Variants in BMP6 observed in about 807,000 individuals in gnomAD.
BMP6 encodes the protein bone morphogenetic protein 6.
BMP6 carries 17 observed loss-of-function variants against 54.1 expected under a neutral mutation model. The observed-to-expected ratio is 0.31, with a 90% CI of 0.22 to 0.47. The LOEUF (loss-of-function observed/expected upper bound fraction) is 0.47. Ranked by LOEUF, BMP6 falls within the 20% of genes least tolerant of loss-of-function variation. BMP6 has a pLI of 1.00. For synonymous variants in BMP6, 328 were observed against 291.2 expected, an observed-to-expected ratio of 1.13 and a Z score of -1.28; for missense variants, 720 against 690.4, an observed-to-expected ratio of 1.04 and a Z score of -0.48.
At chr6:7,804,395 C>T (rs983478167) in intron 1 of BMP6, among the ~76,000 whole-genome samples, 1 of 151,786 alleles carries the variant, frequency 6.6e-6, no homozygotes, top group Non-Finnish European at 1.5e-5. Context: ...TTCTTTCTTT[C>T]TTTCCTTTGC....
intron 5 of BMP6, among the ~76,000 whole-genome samples, chr6:7,879,782 AAG>A (rs1759682175): frequency 6.6e-6 from 1 of 152,180 alleles, no homozygotes; most frequent in Non-Finnish European, 1.5e-5. Context: ...GGGCCTCTGC[AAG>A]GAGCGAGGGT....
chr6:7,814,365 T>G (rs1758491260), intron 1 of BMP6, among the ~76,000 whole-genome samples: 1 of 152,202 alleles, frequency 6.6e-6, no homozygotes, highest in Non-Finnish European at 1.5e-5. Flanking sequence ...TTTTAGAAAT[T>G]TGCTTAAAAC....
intron 1 of BMP6, among the ~76,000 whole-genome samples, chr6:7,779,660 T>C (rs1486657963): frequency 1.3e-5 from 2 of 152,110 alleles, no homozygotes; most frequent in Non-Finnish European, 2.9e-5. Context: ...TTATTAAGAA[T>C]GATAATAAAA....
intron 2 of BMP6, among the ~76,000 whole-genome samples, chr6:7,847,232 G>A (rs1288690775): frequency 6.6e-6 from 1 of 152,194 alleles, no homozygotes; most frequent in African/African-American, 2.4e-5. Context: ...TTGCCTTCTA[G>A]GATGGGAGCA....
chr6:7,798,413 G>A (rs1367909876), intron 1 of BMP6, among the ~76,000 whole-genome samples: 1 of 152,214 alleles, frequency 6.6e-6, no homozygotes, highest in African/African-American at 2.4e-5. Context: ...TCGCAGTCAT[G>A]CAGCCCCTTA....
chr6:7,749,695 C>T (rs1313885615), intron 1 of BMP6, among the ~76,000 whole-genome samples: 2 of 152,214 alleles, frequency 1.3e-5, no homozygotes, highest in Non-Finnish European at 1.5e-5. Flanking sequence ...GTGTCAGGCA[C>T]AGCCCTGAGT....
At chr6:7,739,277 T>G (rs1762007190) in intron 1 of BMP6, among the ~76,000 whole-genome samples, 1 of 152,204 alleles carries the variant, frequency 6.6e-6, no homozygotes, top group Non-Finnish European at 1.5e-5. Flanking sequence ...GTTTTAAATT[T>G]GGGCAATTTG....
chr6:7,794,361 T>C (rs1445786001), intron 1 of BMP6, among the ~76,000 whole-genome samples: 3 of 152,144 alleles, frequency 2.0e-5, no homozygotes, highest in Non-Finnish European at 4.4e-5. Flanking sequence ...ATGTACACTT[T>C]GGGAGAGGCC....
intron 1 of BMP6, among the ~76,000 whole-genome samples, chr6:7,757,583 C>T (rs766828835): frequency 1.1e-4 from 17 of 152,246 alleles, no homozygotes; most frequent in East Asian, 3.9e-4. Context: ...CTGGGAAGGA[C>T]GTGAATTTTG....
chr6:7,733,136 C>T (rs1267366459), intron 1 of BMP6, among the ~76,000 whole-genome samples: 1 of 152,094 alleles, frequency 6.6e-6, no homozygotes, highest in East Asian at 1.9e-4. Context: ...AAACTCCTGA[C>T]ATCAAGTGAT....
At chr6:7,765,239 T>C (rs550105254) in intron 1 of BMP6, among the ~76,000 whole-genome samples, 3 of 152,162 alleles carry the variant, frequency 2.0e-5, no homozygotes, top group African/African-American at 7.2e-5. Flanking sequence ...GGATTGTGGA[T>C]TTATTCCCCC....
intron 1 of BMP6, among the ~76,000 whole-genome samples, chr6:7,833,980 C>T (rs867050516): frequency 6.6e-6 from 1 of 152,116 alleles, no homozygotes; most frequent in Admixed American, 6.5e-5. Context: ...TTTCAGGACT[C>T]CCCTGTGGGA....
chr6:7,742,929 T>G (rs988365200), intron 1 of BMP6, among the ~76,000 whole-genome samples: 13 of 152,292 alleles, frequency 8.5e-5, no homozygotes, highest in Middle Eastern at 3.4e-3. Context: ...CTTATCCCAC[T>G]TAAATTTTGC....
chr6:7,762,558 AT>A (rs1757629105), intron 1 of BMP6, among the ~76,000 whole-genome samples: 1 of 152,232 alleles, frequency 6.6e-6, no homozygotes, highest in African/African-American at 2.4e-5. Flanking sequence ...ATATATACAT[AT>A]GTCCTAAGTG....
chr6:7,813,667 A>C (rs1187176375), intron 1 of BMP6, among the ~76,000 whole-genome samples: 2 of 66,092 alleles, frequency 3.0e-5, no homozygotes, highest in African/African-American at 5.1e-5. Context: ...AAAAAAAAAA[A>C]AACCCACCAA....
chr6:7,782,110 G>A (rs1757957803), intron 1 of BMP6, among the ~76,000 whole-genome samples: 1 of 151,234 alleles, frequency 6.6e-6, no homozygotes, highest in Admixed American at 6.6e-5. Flanking sequence ...GATTCAGGGG[G>A]CAAACTGCCA....
At chr6:7,749,008 A>G (rs1357612608) in intron 1 of BMP6, among the ~76,000 whole-genome samples, 1 of 152,224 alleles carries the variant, frequency 6.6e-6, no homozygotes, top group Non-Finnish European at 1.5e-5. Flanking sequence ...TAGTACCACC[A>G]TTTTGATCTT....
chr6:7,816,243 CAG>C (rs902021491), intron 1 of BMP6, among the ~76,000 whole-genome samples: 17 of 152,250 alleles, frequency 1.1e-4, no homozygotes, highest in African/African-American at 4.1e-4. Flanking sequence ...ATAGTGGAAA[CAG>C]AGAAATACAT....
intron 1 of BMP6, among the ~76,000 whole-genome samples, chr6:7,810,286 A>G (rs2113209840): frequency 6.6e-6 from 1 of 152,348 alleles, no homozygotes. Flanking sequence ...GAAAACAGCT[A>G]CGTAGATAGC....
Sources: gnomAD v4.1 joint callset for allele counts (sites outside exome capture counted in the v4.1 genomes callset) on GRCh38, gnomAD v4.1.1 for gene constraint, MANE v1.5 for transcripts, NCBI Gene and HGNC (gene_info 2026-07-23, HGNC 2026-07-21) for gene names.